FAM184A: variants seen among roughly 807,000 people sequenced by gnomAD.
FAM184A encodes family with sequence similarity 184 member A.
A neutral mutation model predicts 143.8 loss-of-function variants in FAM184A; 99 were observed. The ratio of observed to expected loss-of-function variants is 0.69; its 90% CI spans 0.58 to 0.81. The LOEUF (loss-of-function observed/expected upper bound fraction) is 0.81, where lower values mean the gene tolerates loss of function less well. FAM184A is among the 40% of genes least tolerant of loss of function. FAM184A has a pLI of 0.00. For missense variants in FAM184A, 1,217 were observed against 1,310.5 expected (o/e 0.93, Z 1.10); for synonymous variants, 427 against 446.4 (o/e 0.96, Z 0.55).
intron 1 of FAM184A, among the ~76,000 whole-genome samples, chr6:119,148,315 C>T (rs1398667306): frequency 6.6e-6 from 1 of 152,188 alleles, no homozygotes; most frequent in African/African-American, 2.4e-5. Context: ...AAGACTGTAA[C>T]TGGGTTTTAG....
chr6:119,075,046 T>C lies in FAM184A; in HGVS notation c.159+3095A>G, dbSNP rs114078485. The stretch of plus-strand genomic sequence containing the variant: ...AGACTGCTTTTTAATTAAAAATATA[T>C]TGAGCTTTGCTATGGGCAAAATTAT... On this transcript the variant is annotated intron_variant, in intron 1 of 17. Coordinates refer to ENST00000338891, the MANE Select transcript of FAM184A (RefSeq NM_024581.6). 8.3e-3 allele frequency among the ~76,000 whole-genome samples: 1,263 copies of C among 152,340 alleles called. 16 individuals carry two copies. Among genetic ancestry groups the C allele is most frequent in the African/African-American group, 0.029 (1,198 of 41,582 alleles).
chr6:119,001,276 T>C (rs1429917280), intron 9 of FAM184A, among the ~76,000 whole-genome samples: 1 of 151,356 alleles, frequency 6.6e-6, no homozygotes, highest in Non-Finnish European at 1.5e-5. Flanking sequence ...TCTATGGCAA[T>C]GCGTGTGCCT....
In FAM184A at chr6:119,003,348, G is replaced by A. The variant is rs190634613; in HGVS notation, c.1937+153C>T. ...GCAAAAAGTAAATCTGAATTCAAAC[G>A]GAAAATAAATCCAATTTCTCTGTCT... On this transcript the variant is annotated intron_variant, in intron 8 of 17. Coordinates refer to ENST00000338891, the MANE Select transcript of FAM184A (RefSeq NM_024581.6). 3.8e-3 allele frequency among the ~76,000 whole-genome samples: 573 copies of A among 152,104 alleles called. 1 individual carries two copies. Among genetic ancestry groups the A allele is most frequent in the Non-Finnish European group, 6.2e-3 (422 of 67,956 alleles).
chr6:119,107,443 G>C (rs1420835066), intron 1 of FAM184A, among the ~76,000 whole-genome samples: 2 of 152,142 alleles, frequency 1.3e-5, no homozygotes, highest in Non-Finnish European at 2.9e-5. Flanking sequence ...TAGCAAAAAA[G>C]AGTCTTACAT....
intron 1 of FAM184A, among the ~76,000 whole-genome samples, chr6:119,048,008 A>G (rs1582552701): frequency 6.6e-6 from 1 of 152,238 alleles, no homozygotes; most frequent in Non-Finnish European, 1.5e-5. Flanking sequence ...CAAATCCAGC[A>G]GCATATCAAA....
intron 1 of FAM184A, among the ~76,000 whole-genome samples, chr6:119,104,011 TA>T (rs1474694092): frequency 1.3e-5 from 2 of 152,068 alleles, no homozygotes; most frequent in African/African-American, 4.8e-5. Context: ...AAAATGATGA[TA>T]TTTTTATTTA....
At chr6:119,132,858 G>A (rs1357880199) in intron 1 of FAM184A, among the ~76,000 whole-genome samples, 1 of 152,226 alleles carries the variant, frequency 6.6e-6, no homozygotes, top group Non-Finnish European at 1.5e-5. Context: ...CCTTGATAGC[G>A]AGGAGCTTAG....
chr6:119,032,520 G>A (rs1785918712), intron 1 of FAM184A, among the ~76,000 whole-genome samples: 2 of 147,872 alleles, frequency 1.4e-5, no homozygotes, highest in Admixed American at 6.8e-5. Flanking sequence ...GGGAGAGGAA[G>A]AGGAAGAGGG....
At chr6:118,971,465 T>G (rs941153132) in intron 14 of FAM184A, among the ~76,000 whole-genome samples, 1 of 152,164 alleles carries the variant, frequency 6.6e-6, no homozygotes, top group Admixed American at 6.5e-5. Flanking sequence ...TTTTGCATAT[T>G]AAAAATCGGC....
intron 1 of FAM184A, among the ~76,000 whole-genome samples, chr6:119,040,644 C>T (rs182946713): frequency 1.4e-4 from 21 of 152,286 alleles, no homozygotes; most frequent in African/African-American, 2.2e-4. Flanking sequence ...CAACTAAAAT[C>T]GGCTCTTTTC....
intron 9 of FAM184A, among the ~76,000 whole-genome samples, chr6:118,991,694 G>A (rs1192842120): frequency 4.0e-5 from 6 of 148,742 alleles, no homozygotes; most frequent in South Asian, 2.2e-4. Context: ...TAGTAGGACA[G>A]TGAGAGTCGG....
chr6:119,127,264 T>A (rs1325285083), intron 1 of FAM184A, among the ~76,000 whole-genome samples: 1 of 152,180 alleles, frequency 6.6e-6, no homozygotes, highest in Non-Finnish European at 1.5e-5. Context: ...AAATTTCACC[T>A]GCAAATCCCT....
At chr6:119,051,785 G>A (rs1256539846) in intron 1 of FAM184A, among the ~76,000 whole-genome samples, 1 of 152,132 alleles carries the variant, frequency 6.6e-6, no homozygotes, top group Non-Finnish European at 1.5e-5. Context: ...TCTGATCGCA[G>A]GACTCAAATA....
At chr6:118,974,066 A>G (rs1379400746) in intron 14 of FAM184A, among the ~76,000 whole-genome samples, 1 of 152,124 alleles carries the variant, frequency 6.6e-6, no homozygotes, top group Non-Finnish European at 1.5e-5. Context: ...ATACATTATT[A>G]GTGTGTATAT....
upstream of FAM184A, among the ~76,000 whole-genome samples, chr6:119,083,201 C>T (rs1788120174): frequency 6.6e-6 from 1 of 152,230 alleles, no homozygotes; most frequent in Non-Finnish European, 1.5e-5. Context: ...AGGCCTTGGG[C>T]CCAGCCCACG....
intron 1 of FAM184A, among the ~76,000 whole-genome samples, chr6:119,091,894 G>T (rs1380140478): frequency 2.6e-5 from 4 of 152,188 alleles, no homozygotes; most frequent in Non-Finnish European, 5.9e-5. Flanking sequence ...CAATACAGTT[G>T]GGGCCTTGCA....
chr6:118,984,025 C>G (rs993358614), intron 9 of FAM184A, among the ~76,000 whole-genome samples: 6 of 150,260 alleles, frequency 4.0e-5, no homozygotes, highest in Admixed American at 6.6e-5. Context: ...TGGCGGGCGC[C>G]TGTAATCCCA....
chr6:119,087,110 C>T (rs1292296892), intron 1 of FAM184A, among the ~76,000 whole-genome samples: 1 of 152,116 alleles, frequency 6.6e-6, no homozygotes, highest in Non-Finnish European at 1.5e-5. Context: ...GTGTATGTTT[C>T]AGGCCCCAGA....
At chr6:119,148,043 T>C (rs776165434) in intron 1 of FAM184A, among the ~76,000 whole-genome samples, 4 of 152,248 alleles carry the variant, frequency 2.6e-5, no homozygotes, top group Non-Finnish European at 4.4e-5. Context: ...GGTTGGTCTT[T>C]GTCTATTTCC....
Sources: gnomAD v4.1 joint callset for allele counts (sites outside exome capture counted in the v4.1 genomes callset) on GRCh38, gnomAD v4.1.1 for gene constraint, MANE v1.5 for transcripts, NCBI Gene and HGNC (gene_info 2026-07-23, HGNC 2026-07-21) for gene names.